GRIK2: variants seen among roughly 807,000 people sequenced by gnomAD.
GRIK2 encodes the protein glutamate receptor ionotropic, kainate 2.
GRIK2 carries 32 observed loss-of-function variants against 100.3 expected under a neutral mutation model. The ratio of observed to expected loss-of-function variants is 0.32; its 90% CI spans 0.24 to 0.43. The LOEUF (loss-of-function observed/expected upper bound fraction) is 0.43. GRIK2 is among the 20% of genes least tolerant of loss of function. The pLI, the probability that GRIK2 is intolerant of heterozygous loss-of-function variation, is 1.00. For synonymous variants in GRIK2, 417 were observed against 389.4 expected (o/e 1.07, Z -0.83); for missense variants, 843 against 1,114.9 (o/e 0.76, Z 3.47).
intron 2 of GRIK2, among the ~76,000 whole-genome samples, chr6:101,618,981 C>A (rs1780022755): frequency 6.7e-6 from 1 of 148,664 alleles, no homozygotes; most frequent in African/African-American, 2.5e-5. Context: ...AAATAATTAT[C>A]AATTGCATTT....
intron 2 of GRIK2, among the ~76,000 whole-genome samples, chr6:101,540,123 T>G (rs1464804335): frequency 6.6e-6 from 1 of 151,858 alleles, no homozygotes; most frequent in Non-Finnish European, 1.5e-5. Context: ...TATTTTTCTC[T>G]GTGGTCAAAG....
intron 7 of GRIK2, among the ~76,000 whole-genome samples, chr6:101,710,266 A>G (rs1189143531): frequency 1.3e-5 from 2 of 151,338 alleles, no homozygotes; most frequent in Non-Finnish European, 2.9e-5. Context: ...ATGGAAGAAC[A>G]GGGGATTGGC....
At chr6:101,432,381 T>C (rs1409742618) in intron 2 of GRIK2, among the ~76,000 whole-genome samples, 4 of 152,192 alleles carry the variant, frequency 2.6e-5, no homozygotes, top group African/African-American at 9.7e-5. Context: ...CTTTGGAGTA[T>C]TCTTAAGTTA....
At chr6:101,848,067 C>G (rs539218851) in intron 10 of GRIK2, among the ~76,000 whole-genome samples, 40 of 152,210 alleles carry the variant, frequency 2.6e-4, no homozygotes, top group African/African-American at 9.6e-4. Flanking sequence ...AAATACGTAA[C>G]AATTCTGTAA....
At chr6:101,563,093 T>C (rs1424770760) in intron 2 of GRIK2, among the ~76,000 whole-genome samples, 1 of 152,196 alleles carries the variant, frequency 6.6e-6, no homozygotes, top group Non-Finnish European at 1.5e-5. Context: ...TCCTTGATTA[T>C]TTTGCCTGCT....
chr6:101,922,259 C>T (rs1789603367), intron 12 of GRIK2, among the ~76,000 whole-genome samples: 1 of 152,032 alleles, frequency 6.6e-6, no homozygotes, highest in South Asian at 2.1e-4. Flanking sequence ...ATCTCCCCAA[C>T]CCTACAACCA....
rs149865135 is a variant in GRIK2, at chr6:101,800,293, T to A, written c.1095+502T>A. 3.9e-5 allele frequency among the ~76,000 whole-genome samples: 6 copies of A among 151,932 alleles called. No homozygotes were observed. In the East Asian group the frequency reaches 1.2e-3, roughly 29 times the overall value. ...TCCATGTTATATAATGCAACCATTCTTATGACCATATATCATTTCTGACTA... is the reference window on the plus strand; with the variant it reads ...TCCATGTTATATAATGCAACCATTCATATGACCATATATCATTTCTGACTA... On this transcript the variant is annotated intron_variant, in intron 8 of 16. Transcript: ENST00000369134.
In GRIK2 at chr6:101,779,535, G is replaced by C. The variant is rs561593414; in HGVS notation, c.952-20113G>C. ...TTTTGGCTGAAAAACATTTTTTGTA[G>C]GTTAACTAACTTATTTTGGAAATAA... On this transcript the variant is annotated intron_variant, in intron 7 of 16. Coordinates refer to ENST00000369134, the MANE Select transcript of GRIK2 (RefSeq NM_021956.5). 2.0e-5 allele frequency among the ~76,000 whole-genome samples: 3 copies of C among 152,222 alleles called. No individual in the cohort carries two copies. The South Asian group carries it at 6.2e-4, about 32-fold the overall frequency.
chr6:101,436,055 A>G (rs1278230846), intron 2 of GRIK2, among the ~76,000 whole-genome samples: 1 of 152,168 alleles, frequency 6.6e-6, no homozygotes, highest in Non-Finnish European at 1.5e-5. Context: ...AATTCAAGCT[A>G]AGATTCTCTG....
At chr6:101,485,041 T>C (rs2749062) in intron 2 of GRIK2, among the ~76,000 whole-genome samples, 71,244 of 151,948 alleles carry the variant, frequency 0.47, 16,928 homozygotes, top group Non-Finnish European at 0.51. Flanking sequence ...ATCAAATACC[T>C]TTGACTTTAC....
At chr6:101,802,995 G>T (rs1435180316) in intron 9 of GRIK2, among the ~76,000 whole-genome samples, 16 of 151,700 alleles carry the variant, frequency 1.1e-4, no homozygotes, top group Non-Finnish European at 3.0e-5. Context: ...GTGGGTATGT[G>T]CCTACTTAAT....
chr6:101,804,006 T>A (rs1780830248), intron 9 of GRIK2, among the ~76,000 whole-genome samples: 1 of 151,902 alleles, frequency 6.6e-6, no homozygotes, highest in South Asian at 2.1e-4. Context: ...GTTCAGTCCT[T>A]ATCCTCAAGG....
intron 7 of GRIK2, among the ~76,000 whole-genome samples, chr6:101,700,725 GC>G (rs112688907): frequency 0.073 from 11,161 of 152,114 alleles, 1,326 homozygotes; most frequent in African/African-American, 0.25. Context: ...GATAACTTGT[GC>G]TTTTCCTGCC....
chr6:101,857,722 C>A (rs1207967331), intron 10 of GRIK2, among the ~76,000 whole-genome samples: 1 of 152,234 alleles, frequency 6.6e-6, no homozygotes, highest in African/African-American at 2.4e-5. Context: ...CATAGCAGCA[C>A]AGTCTGCCAT....
chr6:101,757,913 C>G (rs1414036778), intron 7 of GRIK2, among the ~76,000 whole-genome samples: 1 of 152,164 alleles, frequency 6.6e-6, no homozygotes, highest in Non-Finnish European at 1.5e-5. Flanking sequence ...ATTATAAATG[C>G]TAGCTTTATT....
intron 2 of GRIK2, among the ~76,000 whole-genome samples, chr6:101,473,472 T>C (rs998312811): frequency 2.0e-5 from 3 of 151,860 alleles, no homozygotes; most frequent in Non-Finnish European, 4.4e-5. Flanking sequence ...AAAAATTCTG[T>C]TGGACTTAAT....
chr6:101,687,377 A>T (rs1582961040), intron 7 of GRIK2, among the ~76,000 whole-genome samples: 1 of 152,116 alleles, frequency 6.6e-6, no homozygotes, highest in South Asian at 2.1e-4. Context: ...TTTACATTTC[A>T]TAGGAAATTA....
chr6:101,422,911 A>T (rs1397246180), intron 2 of GRIK2, among the ~76,000 whole-genome samples: 1 of 152,078 alleles, frequency 6.6e-6, no homozygotes, highest in East Asian at 1.9e-4. Context: ...TTTACAGTGC[A>T]TTTTTTCTTA....
intron 7 of GRIK2, among the ~76,000 whole-genome samples, chr6:101,759,960 C>T (rs1182214349): frequency 1.6e-5 from 2 of 125,340 alleles, no homozygotes; most frequent in Admixed American, 7.9e-5. Context: ...CGGCTCACTT[C>T]CCGGGTTCAC....
Sources: gnomAD v4.1 joint callset for allele counts (sites outside exome capture counted in the v4.1 genomes callset) on GRCh38, gnomAD v4.1.1 for gene constraint, MANE v1.5 for transcripts, NCBI Gene and HGNC (gene_info 2026-07-23, HGNC 2026-07-21) for gene names.